Variants in CFDP1 observed in about 807,000 individuals in gnomAD.
The protein encoded by CFDP1 is chromatin remodeling protein CFDP1.
CFDP1 carries 31 observed loss-of-function variants against 40.1 expected under a neutral mutation model. The ratio of observed to expected loss-of-function variants is 0.77; its 90% CI spans 0.58 to 1.04. The LOEUF is 1.04. CFDP1 is among the 50% of genes least tolerant of loss of function. CFDP1 has a pLI of 0.00. For synonymous variants in CFDP1, 167 were observed against 120.0 expected (o/e 1.39, Z -2.56); for missense variants, 423 against 343.4 (o/e 1.23, Z -1.83).
At chr16:75,427,205 A>G (rs2079351964) in intron 1 of CFDP1, among the ~76,000 whole-genome samples, 1 of 152,196 alleles carries the variant, frequency 6.6e-6, no homozygotes, top group Non-Finnish European at 1.5e-5. Flanking sequence ...TGAAAAGAGC[A>G]TCAACATCCT....
intron 4 of CFDP1, among the ~76,000 whole-genome samples, chr16:75,399,103 A>G (rs796813453): frequency 4.0e-5 from 6 of 151,184 alleles, no homozygotes; most frequent in African/African-American, 1.2e-4. Context: ...GTGGTTCCAC[A>G]CTTAGCCACT....
At chr16:75,305,268 T>G in intron 5 of CFDP1, 86 bp from the exon 6 acceptor site, 1 of 1,355,434 alleles carries the variant, frequency 7.4e-7, no homozygotes, top group Non-Finnish European at 1.0e-6. Flanking sequence ...GGGAATCCCC[T>G]AGATTGGGGC....
chr16:75,316,569 TAAA>T (rs780200659), intron 5 of CFDP1, among the ~76,000 whole-genome samples: 1,093 of 26,372 alleles, frequency 0.041, 11 homozygotes, highest in African/African-American at 0.13. Flanking sequence ...AGACCCTGTC[TAAA>T]AAAAAAAAAA....
intron 5 of CFDP1, among the ~76,000 whole-genome samples, chr16:75,333,072 T>C (rs1480740439): frequency 6.6e-6 from 1 of 151,288 alleles, no homozygotes; most frequent in African/African-American, 2.4e-5. Context: ...CCTCCCAAAG[T>C]GCTGGGATTA....
At chr16:75,432,307 G>A (rs1354165285) in intron 1 of CFDP1, among the ~76,000 whole-genome samples, 2 of 147,302 alleles carry the variant, frequency 1.4e-5, no homozygotes, top group Non-Finnish European at 3.0e-5. Context: ...TGGCTGAGGT[G>A]GGAGGATCAC....
chr16:75,329,635 T>C (rs2078430696), intron 5 of CFDP1, among the ~76,000 whole-genome samples: 1 of 152,204 alleles, frequency 6.6e-6, no homozygotes, highest in African/African-American at 2.4e-5. Flanking sequence ...TTTGAACATG[T>C]GCTGTTTTAT....
At chr16:75,295,064 C>T (rs752978689) in intron 6 of CFDP1, among the ~76,000 whole-genome samples, 10 of 152,210 alleles carry the variant, frequency 6.6e-5, no homozygotes. Context: ...AATTGAATCT[C>T]TGCACTAATT....
chr16:75,303,066 G>T (rs1597318501), intron 6 of CFDP1, among the ~76,000 whole-genome samples: 1 of 151,894 alleles, frequency 6.6e-6, no homozygotes, highest in East Asian at 1.9e-4. Flanking sequence ...TGGGCGTGTA[G>T]GCGCGCGCCT....
chr16:75,397,574 G>A (rs538966707), intron 4 of CFDP1, among the ~76,000 whole-genome samples: 3 of 151,764 alleles, frequency 2.0e-5, no homozygotes, highest in South Asian at 4.2e-4. Flanking sequence ...AGACTGAGGC[G>A]GGCAGATTAT....
intron 5 of CFDP1, among the ~76,000 whole-genome samples, chr16:75,318,605 CG>C (rs1441537181): frequency 1.6e-4 from 25 of 152,090 alleles, no homozygotes; most frequent in African/African-American, 2.9e-4. Flanking sequence ...TGGGTTTCAC[CG>C]TGTTAGCCAG....
chr16:75,305,363 T>C (rs1051814394), intron 5 of CFDP1, 181 bp from the exon 6 acceptor site: 3 of 614,650 alleles, frequency 4.9e-6, no homozygotes, highest in Admixed American at 3.0e-5. Flanking sequence ...GGAATTCTAA[T>C]GTGCTTTTCC....
intron 5 of CFDP1, among the ~76,000 whole-genome samples, chr16:75,362,550 A>G (rs561666711): frequency 1.0e-3 from 155 of 152,322 alleles, no homozygotes; most frequent in African/African-American, 3.5e-3. Context: ...TATGCTCACC[A>G]TGGCTCAAGA....
chr16:75,304,726 C>T (rs1046754072), intron 6 of CFDP1, among the ~76,000 whole-genome samples: 3 of 152,304 alleles, frequency 2.0e-5, no homozygotes, highest in Non-Finnish European at 1.5e-5. Flanking sequence ...CAGATCCAAC[C>T]ACTAGGCAAC....
At chr16:75,424,304 A>G (rs1462501102) in intron 1 of CFDP1, among the ~76,000 whole-genome samples, 1 of 152,180 alleles carries the variant, frequency 6.6e-6, no homozygotes, top group African/African-American at 2.4e-5. Context: ...GCAGAACACA[A>G]TTAGCACGTA....
chr16:75,417,467 A>T (rs954234831), intron 1 of CFDP1, among the ~76,000 whole-genome samples: 1 of 152,226 alleles, frequency 6.6e-6, no homozygotes, highest in South Asian at 2.1e-4. Flanking sequence ...AAAGGAGAGG[A>T]AAAGCAAAAG....
intron 5 of CFDP1, among the ~76,000 whole-genome samples, chr16:75,323,718 G>T (rs2078382751): frequency 6.6e-6 from 1 of 151,208 alleles, no homozygotes; most frequent in East Asian, 1.9e-4. Context: ...GGTAGAGGTT[G>T]CAGTGAGCCG....
At chr16:75,422,600 C>A (rs570563353) in intron 1 of CFDP1, among the ~76,000 whole-genome samples, 1 of 150,818 alleles carries the variant, frequency 6.6e-6, no homozygotes, top group Non-Finnish European at 1.5e-5. Context: ...TCACCATGTT[C>A]GTCAGACTAG....
intron 4 of CFDP1, among the ~76,000 whole-genome samples, chr16:75,397,429 C>T (rs1216713863): frequency 3.3e-5 from 5 of 151,846 alleles, no homozygotes; most frequent in African/African-American, 7.3e-5. Context: ...TCACTTGAAC[C>T]TGGGAGGCAG....
intron 5 of CFDP1, among the ~76,000 whole-genome samples, chr16:75,327,773 G>C (rs910162401): frequency 1.3e-5 from 2 of 152,264 alleles, no homozygotes; most frequent in East Asian, 3.9e-4. Flanking sequence ...GCCCAGGCTG[G>C]AGTGCAATGG....
Sources: gnomAD v4.1 joint callset for allele counts (sites outside exome capture counted in the v4.1 genomes callset) on GRCh38, gnomAD v4.1.1 for gene constraint, MANE v1.5 for transcripts, NCBI Gene and HGNC (gene_info 2026-07-23, HGNC 2026-07-21) for gene names.